The following IARS2 variants were observed in gnomAD, a reference collection of about 807,000 sequenced individuals.
IARS2 encodes isoleucine--tRNA ligase, mitochondrial.
Under a neutral mutation model 126.3 loss-of-function variants are expected in IARS2, and 56 were observed. The ratio of observed to expected loss-of-function variants is 0.44; its 90% CI spans 0.36 to 0.55. The LOEUF is 0.55. Among genes scored for constraint, IARS2 ranks in the 20% least tolerant of loss-of-function variants. The pLI, the probability that IARS2 is intolerant of heterozygous loss-of-function variation, is 0.00. For synonymous variants in IARS2, 407 were observed against 441.1 expected (o/e 0.92, Z 0.97); for missense variants, 1,127 against 1,245.9 (o/e 0.90, Z 1.44).
intron 12 of IARS2, among the ~76,000 whole-genome samples, chr1:220,115,817 G>A (rs1656901020): frequency 6.6e-6 from 1 of 152,140 alleles, no homozygotes; most frequent in East Asian, 1.9e-4. Context: ...TATAAAATAG[G>A]AAAAGCAATG....
chr1:220,129,522 CCAG>C (rs1657218614), intron 14 of IARS2, among the ~76,000 whole-genome samples: 1 of 152,168 alleles, frequency 6.6e-6, no homozygotes, highest in Non-Finnish European at 1.5e-5. Context: ...CTCACCCTTC[CCAG>C]CCTCTGGTAA....
At chr1:220,120,247 G>A (rs1657010283) in intron 12 of IARS2, among the ~76,000 whole-genome samples, 1 of 151,778 alleles carries the variant, frequency 6.6e-6, no homozygotes, top group South Asian at 2.1e-4. Context: ...ATGCCTGGCT[G>A]ATTTTTGTAT....
chr1:220,141,737 G>T, intron 19 of IARS2, 66 bp from the exon 20 acceptor site: 4 of 1,516,240 alleles, frequency 2.6e-6, no homozygotes, highest in Admixed American at 1.8e-5. Context: ...ACCTGAGGCA[G>T]GTCCCATCTA....
rs534723209 is a variant in IARS2 at position 220,143,356 on chromosome 1, A to T, written c.2751+222A>T. ...ACATTTAAAAAAAAGTGTCTAAATT[A>T]AAAAAAAATTAATTTAGAAATTAGG... On this transcript the variant is annotated intron_variant, in intron 21 of 22. Transcript: ENST00000366922. The T allele has an allele frequency of 5.6e-4, 174 of 311,422 alleles. 1 individual carries two copies. The highest frequency in any genetic ancestry group is 1.9e-3 in the Middle Eastern group (2 of 1,054). The allele number at this position is 311,422 out of a possible 1,614,324, so 19.3% of individuals were successfully genotyped here.
chr1:220,136,901 A>G lies in IARS2; in HGVS notation c.2039A>G (p.Asn680Ser). 6.3e-7 allele frequency: 1 copy of G among 1,592,602 alleles called. No individual in the cohort carries two copies. The highest frequency in any genetic ancestry group is 8.6e-7 in the Non-Finnish European group (1 of 1,163,360). ...GTCATTCATCCTGATGTTGTCGTTA[A>G]TGGAGGACAAGTAGGTGATTCTCTA... ...GNVIHPDVVV[N>S]GGQDQSKEPP... The change falls in exon 16 of 23, where the codon AAT becomes AGT. Residue 680 changes from asparagine to serine, a missense_variant. Physicochemically the swap from Asn to Ser is conservative, Grantham distance 46. Coordinates refer to ENST00000366922, the MANE Select transcript of IARS2 (RefSeq NM_018060.4).
At chr1:220,131,570 C>T (rs973321815) in intron 14 of IARS2, among the ~76,000 whole-genome samples, 51 of 152,028 alleles carry the variant, frequency 3.4e-4, no homozygotes, top group Non-Finnish European at 7.2e-4. Context: ...AGGCTGGACT[C>T]AGAACTCCCC....
At chr1:220,134,845 G>A in intron 15 of IARS2, 1 of 158,560 alleles carries the variant, frequency 6.3e-6, no homozygotes, top group East Asian at 1.8e-4. Flanking sequence ...AGAGCTCGCT[G>A]CAGCCTCCGT....
intron 8 of IARS2, 103 bp downstream of exon 8, chr1:220,103,665 CCT>C: frequency 1.5e-6 from 1 of 673,164 alleles, no homozygotes; most frequent in Admixed American, 2.3e-5. Flanking sequence ...ACAGATATGG[CCT>C]CTACCTTTCT....
chr1:220,147,841 A>G lies in IARS2; in HGVS notation c.*206A>G, dbSNP rs1224910337. The G allele has an allele frequency of 1.2e-5, 7 of 561,422 alleles. No individual in the cohort carries two copies. Among genetic ancestry groups the G allele is most frequent in the Admixed American group, 3.1e-5 (1 of 32,602 alleles). 34.8% of individuals were successfully genotyped at this position (561,422 alleles called of 1,614,324 possible). A position where few individuals can be genotyped will look rare whatever the true frequency, so the allele number is the denominator to read the frequency against. On this transcript the variant is annotated 3_prime_UTR_variant, in exon 23 of 23. Transcript: ENST00000366922. ...TATGTATATATACATGCAGAAATAT[A>G]TATGTGTGTGTGTATCTGTGGATGG... is the stretch of plus-strand genomic sequence containing the variant.
Position 220,145,551 on chromosome 1 carries a change from G to T in IARS2, c.2794G>T (p.Glu932Ter). Residue 932 changes from glutamate (E) to a stop codon, truncating the protein, a stop_gained, in exon 22 of 23, where the codon GAA becomes TAA. Coordinates refer to ENST00000366922, the MANE Select transcript of IARS2 (RefSeq NM_018060.4). LOFTEE classifies it high-confidence loss of function. ...EETSSTSQLN[E>*]LMMASESTLL... is the part of the protein sequence containing the mutation. Reference sequence around the variant, plus strand: ...GACTTCCAGCACCTCTCAGTTGAATGAATTAATGATGGCTTCTGAGTCAAC... The same window carrying T: ...GACTTCCAGCACCTCTCAGTTGAATTAATTAATGATGGCTTCTGAGTCAAC... 6.2e-7 allele frequency: 1 copy of T among 1,613,686 alleles called. No homozygotes were observed.
chr1:220,096,205 T>G lies in IARS2; in HGVS notation c.369T>G (p.His123Gln), dbSNP rs746444855. The change falls in exon 2 of 23, where the codon CAT becomes CAG. Residue 123 changes from histidine to glutamine, a missense_variant. Physicochemically the swap from His to Gln is conservative, Grantham distance 24. Transcript: ENST00000366922. ...DGPPYANGDPHVGHALNKILK... is the reference protein window; with the variant it reads ...DGPPYANGDPQVGHALNKILK... ...CTCCTTATGCAAACGGTGACCCTCA[T>G]GTTGGACATGCTTTAAATAAGGTAA... 9 of 1,586,716 alleles carry G rather than the reference T, an allele frequency of 5.7e-6. No individual in the cohort carries two copies. The South Asian group carries it at 1.1e-4, about 19-fold the overall frequency.
Position 220,094,472 on chromosome 1 carries a change from G to C in IARS2, c.256G>C (p.Glu86Gln). ...LGRQQPDTEL[E>Q]IQQKCGFSEL... Reference sequence around the variant, plus strand: ...CCGCCAGCAGCCGGACACGGAGCTGGAGATCCAGCAGGTACGGGCCCCGCC... The same window carrying C: ...CCGCCAGCAGCCGGACACGGAGCTGCAGATCCAGCAGGTACGGGCCCCGCC... Residue 86 changes from glutamate to glutamine, a missense_variant, in exon 1 of 23, where the codon GAG becomes CAG. Coordinates refer to ENST00000366922, the MANE Select transcript of IARS2 (RefSeq NM_018060.4). 3 of 1,607,566 alleles carry C rather than the reference G, an allele frequency of 1.9e-6. No individual in the cohort carries two copies. The South Asian group carries it at 3.3e-5, about 18-fold the overall frequency.
chr1:220,128,904 AT>A lies in IARS2; in HGVS notation c.1837+2075del, dbSNP rs35869552. On this transcript the variant is annotated intron_variant, in intron 14 of 22. Transcript: ENST00000366922. ...TTAGTCATAATATTTCTAGAGTGTG[AT>A]TTTTTTTTTTTTTCGAGACAGTGTC... Among the ~76,000 whole-genome samples, 509 of 144,414 alleles carry A rather than the reference AT, an allele frequency of 3.5e-3. 1 individual carries two copies. In the East Asian group the frequency reaches 0.04, roughly 11 times the overall value. The allele number at this position is 144,414 out of a possible 152,430, so 94.7% of individuals were successfully genotyped here.
At position 220,145,767 on chromosome 1, in the gene IARS2, C is replaced by T. The variant is rs140873288; in HGVS notation, c.2896+114C>T. 1.1e-3 allele frequency: 852 copies of T among 799,610 alleles called. 5 individuals carry two copies. In the African/African-American group the frequency reaches 0.014, roughly 13 times the overall value. 49.5% of individuals were successfully genotyped at this position (799,610 alleles called of 1,614,324 possible). A position where few individuals can be genotyped will look rare whatever the true frequency, so the allele number is the denominator to read the frequency against. Reference sequence around the variant, plus strand: ...TAAAGGTAGATATATACTTGGAATACATCTTTCTATGGAAATAATAAAAAC... The same window carrying T: ...TAAAGGTAGATATATACTTGGAATATATCTTTCTATGGAAATAATAAAAAC... On this transcript the variant is annotated intron_variant, in intron 22 of 22. Coordinates refer to ENST00000366922, the MANE Select transcript of IARS2 (RefSeq NM_018060.4).
intron 15 of IARS2, among the ~76,000 whole-genome samples, chr1:220,135,445 C>T (rs189181897): frequency 6.6e-6 from 1 of 152,144 alleles, no homozygotes; most frequent in African/African-American, 2.4e-5. Context: ...ACTGCAGCCT[C>T]TGTCTCCCGG....
chr1:220,133,513 T>C (rs892420893), intron 14 of IARS2, among the ~76,000 whole-genome samples: 8 of 152,210 alleles, frequency 5.3e-5, no homozygotes, highest in African/African-American at 1.9e-4. Flanking sequence ...ACATGAAGAT[T>C]ACAACACTAA....
rs551430945 is a variant in IARS2 at position 220,137,207 on chromosome 1, A to G, written c.2049+296A>G. ...AGCGTGATGATTGGGTTTTCGCACT[A>G]TTGTGTGAGGTGTGCCTCCCTCAAA... On this transcript the variant is annotated intron_variant, in intron 16 of 22. Transcript: ENST00000366922. 2.0e-5 allele frequency among the ~76,000 whole-genome samples: 3 copies of G among 152,228 alleles called. No homozygotes were observed. The East Asian group carries it at 5.8e-4, about 29-fold the overall frequency.
intron 11 of IARS2, among the ~76,000 whole-genome samples, chr1:220,112,426 G>A (rs1179246551): frequency 3.2e-5 from 2 of 61,726 alleles, no homozygotes; most frequent in African/African-American, 7.4e-5. Context: ...GAGCCACCGC[G>A]CCCGGCCCGA....
intron 14 of IARS2, among the ~76,000 whole-genome samples, chr1:220,128,709 AT>A (rs1046794872): frequency 6.6e-6 from 1 of 152,166 alleles, no homozygotes; most frequent in Non-Finnish European, 1.5e-5. Context: ...GGTATAGTGT[AT>A]TTCAAAGTGT....
Sources: allele counts gnomAD v4.1 joint callset (sites outside exome capture counted in the v4.1 genomes callset), GRCh38; gene constraint gnomAD v4.1.1; transcripts MANE v1.5; gene names NCBI Gene and HGNC (gene_info 2026-07-23, HGNC 2026-07-21).